Variants in PRKCB observed in about 807,000 individuals in gnomAD.
The protein encoded by PRKCB is protein kinase C beta type.
Under a neutral mutation model 81.5 loss-of-function variants are expected in PRKCB, and 13 were observed. That is an observed-to-expected ratio of 0.16 (90% CI 0.10 to 0.25). PRKCB has a LOEUF of 0.25. Ranked by LOEUF, PRKCB falls within the 10% of genes least tolerant of loss-of-function variation. PRKCB has a pLI of 1.00. For missense variants in PRKCB, 509 were observed against 875.7 expected, an observed-to-expected ratio of 0.58 and a Z score of 5.29; for synonymous variants, 335 against 321.4, an observed-to-expected ratio of 1.04 and a Z score of -0.45.
rs1963441258 is a variant in PRKCB, at chr16:23,899,813, ATTTATTT to A, written c.205+62408_205+62414del. Among the ~76,000 whole-genome samples the A allele has an allele frequency of 2.4e-4, 8 of 33,016 alleles. 4 individuals carry two copies. The highest frequency in any genetic ancestry group is 4.0e-4 in the Non-Finnish European group (8 of 19,790). 21.7% of individuals were successfully genotyped at this position (33,016 alleles called of 152,430 possible). On this transcript the variant is annotated intron_variant, in intron 2 of 16. Transcript: ENST00000643927. The stretch of plus-strand genomic sequence containing the variant: ...CCACCAGGCCCAGCAAATAAAATTT[ATTTATTT>A]ATTTATTTATTTATTTATTTATTTA...
In PRKCB at chr16:24,154,818, G is replaced by A. The variant is rs141827066; in HGVS notation, c.1200G>A (p.Pro400=). 58 of 1,613,934 alleles carry A rather than the reference G, an allele frequency of 3.6e-5. No individual in the cohort carries two copies. The highest frequency in any genetic ancestry group is 1.3e-4 in the East Asian group (6 of 44,874). ...GGGTGTTGGCCCTGCCTGGGAAGCC[G>A]CCCTTCCTGACCCAGCTCCACTCCT... ...EKRVLALPGK[P]PFLTQLHSCF... The change falls in exon 10 of 17, where the codon CCG becomes CCA. Residue 400 remains proline (P), a synonymous_variant. Transcript: ENST00000643927.
At chr16:24,090,526 G>A (rs1293773481) in intron 5 of PRKCB, among the ~76,000 whole-genome samples, 1 of 152,120 alleles carries the variant, frequency 6.6e-6, no homozygotes, top group Non-Finnish European at 1.5e-5. Flanking sequence ...AGAAAGAGGG[G>A]CAAGGGAGTT....
At chr16:24,142,818 A>G (rs1366741032) in intron 9 of PRKCB, among the ~76,000 whole-genome samples, 2 of 152,170 alleles carry the variant, frequency 1.3e-5, no homozygotes, top group East Asian at 1.9e-4. Context: ...CCAGAGATCA[A>G]GGGGATCCTC....
chr16:24,017,944 G>C (rs1290314584), intron 3 of PRKCB, among the ~76,000 whole-genome samples: 2 of 147,706 alleles, frequency 1.4e-5, no homozygotes, highest in African/African-American at 2.5e-5. Flanking sequence ...TGTGGCCCAG[G>C]CTGGAGTGCA....
At chr16:24,012,788 C>A (rs1007786551) in intron 3 of PRKCB, among the ~76,000 whole-genome samples, 3 of 152,246 alleles carry the variant, frequency 2.0e-5, no homozygotes, top group African/African-American at 7.2e-5. Flanking sequence ...TTGTCCTACT[C>A]ATGAGGCCCT....
At position 24,219,716 on chromosome 16, in the gene PRKCB, A is replaced by G; in HGVS notation, c.*4900A>G. The G allele has an allele frequency of 7.6e-7, 1 of 1,319,324 alleles. No homozygotes were observed. The allele number at this position is 1,319,324 out of a possible 1,614,324, so 81.7% of individuals were successfully genotyped here. On this transcript the variant is annotated 3_prime_UTR_variant, in exon 17 of 17. Coordinates refer to ENST00000643927, the MANE Select transcript of PRKCB (RefSeq NM_002738.7). ...CACACACACACACCACTTTATGGCA[A>G]TTCTTAACTGACATTCAATGACTTA...
chr16:23,884,035 C>A (rs1018499481), intron 2 of PRKCB, among the ~76,000 whole-genome samples: 8 of 152,194 alleles, frequency 5.3e-5, no homozygotes, highest in African/African-American at 1.7e-4. Context: ...CCCCGCATAG[C>A]AAGTCTTCAA....
chr16:24,144,735 A>T (rs1966963917), intron 9 of PRKCB, among the ~76,000 whole-genome samples: 1 of 152,370 alleles, frequency 6.6e-6, no homozygotes, highest in Non-Finnish European at 1.5e-5. Context: ...TAAATTAAAC[A>T]ATGCTGACAC....
intron 2 of PRKCB, among the ~76,000 whole-genome samples, chr16:23,902,780 T>TACTCCCTC (rs1963500265): frequency 3.7e-5 from 1 of 27,364 alleles, no homozygotes; most frequent in Admixed American, 4.6e-4. Flanking sequence ...CTTCCTTCCT[T>TACTCCCTC]CCTCCCTCCC....
At chr16:24,096,669 ATATATATATATATATATATATATATAT>A (rs1966448142) in intron 7 of PRKCB, among the ~76,000 whole-genome samples, 2 of 20,434 alleles carry the variant, frequency 9.8e-5, no homozygotes, top group Non-Finnish European at 2.3e-4. Context: ...AAAAAAAAAT[ATATATATATATATATATATATATATAT>A]ATATATATAT....
At chr16:24,194,348 AAACAAAAAAC>A (rs1294655521) in intron 16 of PRKCB, among the ~76,000 whole-genome samples, 2 of 151,658 alleles carry the variant, frequency 1.3e-5, no homozygotes, top group African/African-American at 4.9e-5. Context: ...ACAAACAAAA[AAACAAAAAAC>A]AACAAAAAAA....
At chr16:23,915,377 A>G (rs1028969917) in intron 2 of PRKCB, among the ~76,000 whole-genome samples, 2 of 152,088 alleles carry the variant, frequency 1.3e-5, no homozygotes, top group African/African-American at 4.8e-5. Context: ...CCCCGGAAGG[A>G]GTGAACTGTG....
At chr16:24,045,289 G>A (rs1334359544) in intron 5 of PRKCB, among the ~76,000 whole-genome samples, 1 of 152,172 alleles carries the variant, frequency 6.6e-6, no homozygotes. Context: ...CCCAGGCCCT[G>A]TCTGGGTATT....
Position 24,218,461 on chromosome 16 carries a change from C to T in PRKCB, c.*3645C>T, listed in dbSNP as rs1413575271. 4 of 985,286 alleles carry T rather than the reference C, an allele frequency of 4.1e-6. No homozygotes were observed. The highest frequency in any genetic ancestry group is 4.8e-6 in the Non-Finnish European group (4 of 829,974). 61.0% of individuals were successfully genotyped at this position (985,286 alleles called of 1,614,324 possible). A position where few individuals can be genotyped will look rare whatever the true frequency, so the allele number is the denominator to read the frequency against. On this transcript the variant is annotated 3_prime_UTR_variant, in exon 17 of 17. Coordinates refer to ENST00000643927, the MANE Select transcript of PRKCB (RefSeq NM_002738.7). ...AGCTCCATCAGCATCTTAGCCTGCC[C>T]CACTCTAGCCACACATACCCACGTG...
rs759087861 is a variant in PRKCB, at chr16:24,174,592, C to T, written c.1394+12C>T. 6.2e-7 allele frequency: 1 copy of T among 1,606,482 alleles called. No individual in the cohort carries two copies. The highest frequency in any genetic ancestry group is 8.5e-7 in the Non-Finnish European group (1 of 1,174,124). On this transcript the variant is annotated intron_variant, in intron 12 of 16. Transcript: ENST00000643927. The stretch of plus-strand genomic sequence containing the variant: ...GGCATCATTTACCGGTAAGTGAACA[C>T]TGCTGTACTTTCCATCTCTTCATCT...
chr16:23,852,179 C>T (rs79372018), intron 2 of PRKCB, among the ~76,000 whole-genome samples: 75 of 152,260 alleles, frequency 4.9e-4, no homozygotes, highest in African/African-American at 1.7e-3. Flanking sequence ...TGAGAGTGGG[C>T]GTCCTGATCT....
chr16:23,903,374 C>T (rs1453015572), intron 2 of PRKCB, among the ~76,000 whole-genome samples: 2 of 152,016 alleles, frequency 1.3e-5, no homozygotes, highest in African/African-American at 4.8e-5. Context: ...CTGCTCCGTA[C>T]ATCTGGGGAT....
rs1968237148 is a variant in PRKCB at position 24,216,972 on chromosome 16, A to G, written c.*2156A>G. The G allele has an allele frequency of 5.1e-6, 5 of 985,448 alleles. No homozygotes were observed. Among genetic ancestry groups the G allele is most frequent in the Non-Finnish European group, 6.0e-6 (5 of 829,948 alleles). 61.0% of individuals were successfully genotyped at this position (985,448 alleles called of 1,614,324 possible). On this transcript the variant is annotated 3_prime_UTR_variant, in exon 17 of 17. Transcript: ENST00000643927. ...CAGGCCCTTATCTGGTGGTTGGATC[A>G]TGATCCCATTTTGCTTGGACATGCT...
intron 2 of PRKCB, among the ~76,000 whole-genome samples, chr16:23,901,819 G>A (rs1963478403): frequency 6.6e-6 from 1 of 152,086 alleles, no homozygotes; most frequent in South Asian, 2.1e-4. Flanking sequence ...CCCCAACATT[G>A]GAGGCCATAA....
Sources: allele counts gnomAD v4.1 joint callset (sites outside exome capture counted in the v4.1 genomes callset), GRCh38; gene constraint gnomAD v4.1.1; transcripts MANE v1.5; gene names NCBI Gene and HGNC (gene_info 2026-07-23, HGNC 2026-07-21).